The following MAP3K4 variants were observed in gnomAD, a reference collection of about 807,000 sequenced individuals.
The protein encoded by MAP3K4 is mitogen-activated protein kinase kinase kinase 4, also known as MAP three kinase 1.
In MAP3K4, 67 loss-of-function variants were observed where a neutral mutation model predicts 185.6. That is an observed-to-expected ratio of 0.36 (90% CI 0.30 to 0.44). MAP3K4 has a LOEUF of 0.44. MAP3K4 is among the 20% of genes least tolerant of loss of function. The pLI is 1.00. For missense variants in MAP3K4, 1,551 were observed against 1,995.1 expected (o/e 0.78, Z 4.24); for synonymous variants, 702 against 710.4 (o/e 0.99, Z 0.19).
chr6:161,079,216 G>GAAAAA (rs71004026), intron 5 of MAP3K4, among the ~76,000 whole-genome samples: 24 of 115,972 alleles, frequency 2.1e-4, no homozygotes, highest in Admixed American at 4.9e-4. Flanking sequence ...CCTGTCTCAA[G>GAAAAA]AAAAAAAAAA....
chr6:160,991,989 G>A lies in MAP3K4; in HGVS notation c.58G>A (p.Ala20Thr). The change falls in exon 1 of 27, where the codon GCC becomes ACC. Residue 20 changes from alanine (A) to threonine (T), a missense_variant. Ala to Thr is a moderately conservative substitution (Grantham distance 58, BLOSUM62 0). Coordinates refer to ENST00000392142, the MANE Select transcript of MAP3K4 (RefSeq NM_005922.4). This position sits in a 1 kb window ranked among gnomAD's most constrained non-coding sequence, Gnocchi z 5.7. ...TCCCGCCTTTGCCGTCACGCCTGCC[G>A]CCGCCATGGAGGAGCCGCCGCCACC... ...PPPAFAVTPA[A>T]AMEEPPPPPP... The A allele has an allele frequency of 6.5e-7, 1 of 1,543,262 alleles. No individual in the cohort carries two copies. Among genetic ancestry groups the A allele is most frequent in the South Asian group, 1.2e-5 (1 of 84,522 alleles).
intron 1 of MAP3K4, among the ~76,000 whole-genome samples, chr6:161,016,152 C>T (rs1782096506): frequency 6.6e-6 from 1 of 152,032 alleles, no homozygotes; most frequent in East Asian, 1.9e-4. Flanking sequence ...TTTTCAGGTG[C>T]TCATTGACCA....
chr6:161,049,209 G>C lies in MAP3K4; in HGVS notation c.937G>C (p.Asp313His). ...CTATGGGAGCTTCGCCTTTGTTAGA[G>C]ATAGAGCTGGTTTTAATGGTACTTC... Reference protein sequence around the residue: ...VDYGSFAFVRDRAGFNGTSVE... With the variant: ...VDYGSFAFVRHRAGFNGTSVE... Residue 313 changes from aspartate to histidine, a missense_variant, in exon 3 of 27, where the codon GAT (aspartate) becomes CAT (histidine). By Grantham distance (81) the Asp-to-His change is moderately conservative. Transcript: ENST00000392142. The surrounding 1 kb of genome is among the most constrained non-coding windows in gnomAD (Gnocchi z 8.4). 1 of 1,614,162 alleles carries C rather than the reference G, an allele frequency of 6.2e-7. No individual in the cohort carries two copies. The highest frequency in any genetic ancestry group is 8.5e-7 in the Non-Finnish European group (1 of 1,180,006).
Position 161,061,462 on chromosome 6 carries a change from T to C in MAP3K4, c.1708-9146T>C, listed in dbSNP as rs12665456. Among the ~76,000 whole-genome samples, 10,158 of 152,338 alleles carry C rather than the reference T, an allele frequency of 0.067. 468 individuals carry two copies. Among genetic ancestry groups the C allele is most frequent in the East Asian group, 0.25 (1,314 of 5,184 alleles). On this transcript the variant is annotated intron_variant, in intron 3 of 26. Transcript: ENST00000392142. The surrounding 1 kb of genome is among the most constrained non-coding windows in gnomAD (Gnocchi z 4.2). ...AAATAATAGCTTTATTGAGATATAA[T>C]TCACTTAGCATAAAATTCACCATTT...
chr6:161,034,479 A>G lies in MAP3K4; in HGVS notation c.343+30A>G, dbSNP rs750034296. The G allele has an allele frequency of 7.1e-6, 11 of 1,550,998 alleles. No homozygotes were observed. In the East Asian group the frequency reaches 9.0e-5, roughly 13 times the overall value. On this transcript the variant is annotated intron_variant, in intron 2 of 26. Coordinates refer to ENST00000392142, the MANE Select transcript of MAP3K4 (RefSeq NM_005922.4). This position sits in a 1 kb window ranked among gnomAD's most constrained non-coding sequence, Gnocchi z 4.4. ...GTCTTGTACTTGAAAAGAGGTGTAC[A>G]TGAGAGGGTATGGCACTTGATTGAT...
intron 1 of MAP3K4, among the ~76,000 whole-genome samples, chr6:161,030,201 C>T (rs2115151177): frequency 1.3e-5 from 2 of 152,212 alleles, no homozygotes; most frequent in East Asian, 3.9e-4. Flanking sequence ...TCACACAGGG[C>T]ACTGGTACCC....
chr6:160,998,585 G>A (rs1310420926), intron 1 of MAP3K4, among the ~76,000 whole-genome samples: 1 of 152,182 alleles, frequency 6.6e-6, no homozygotes, highest in African/African-American at 2.4e-5. Flanking sequence ...GCTGGCTGTA[G>A]CAAGCTGCTT....
At chr6:161,026,137 G>A (rs1331582857) in intron 1 of MAP3K4, among the ~76,000 whole-genome samples, 1 of 151,592 alleles carries the variant, frequency 6.6e-6, no homozygotes, top group African/African-American at 2.4e-5. Flanking sequence ...GGAAGGCTTT[G>A]CTTTTTTTTT....
rs1425688857 is a variant in MAP3K4, at chr6:161,109,824, C to G, written c.4306C>G (p.Gln1436Glu). The change falls in exon 23 of 27, where the codon CAG (glutamine) becomes GAG (glutamate). Residue 1436 changes from glutamine to glutamate, a missense_variant. Gln to Glu is a conservative substitution (Grantham distance 29, BLOSUM62 2). This residue lies in a region of MAP3K4 where 159 missense variants were observed against 300.5 expected (regional missense o/e 0.53). Transcript: ENST00000392142. The surrounding 1 kb of genome is among the most constrained non-coding windows in gnomAD (Gnocchi z 5.7). ...AGAAGAGGTGTCAAGGCTGGGACTT[C>G]AGGAACATGTGATTAGGCTGTATTC... The part of the protein sequence containing the change: ...TLEEVSRLGL[Q>E]EHVIRLYSKQ... The G allele has an allele frequency of 1.9e-6, 3 of 1,614,014 alleles. No homozygotes were observed. The highest frequency in any genetic ancestry group is 2.7e-5 in the African/African-American group (2 of 74,896).
rs1785112519 is a variant in MAP3K4, at chr6:161,075,138, GTATTTTGAAATAC to G, written c.2097+1530_2097+1542del. ...AAAGACCTGAGTGTGTAAAATGGCT[GTATTTTGAAATAC>G]TATGTATTTATTTTCTTTTTTGAGA... On this transcript the variant is annotated intron_variant, in intron 5 of 26. Transcript: ENST00000392142. This position sits in a 1 kb window ranked among gnomAD's most constrained non-coding sequence, Gnocchi z 4.3. Among the ~76,000 whole-genome samples, 2 of 152,200 alleles carry G rather than the reference GTATTTTGAAATAC, an allele frequency of 1.3e-5. No homozygotes were observed. The highest frequency in any genetic ancestry group is 2.9e-5 in the Non-Finnish European group (2 of 68,034).
chr6:161,115,293 G>A lies in MAP3K4; in HGVS notation c.4797G>A (p.Ser1599=), dbSNP rs371756591. The A allele has an allele frequency of 1.3e-5, 21 of 1,611,792 alleles. No individual in the cohort carries two copies. Among genetic ancestry groups the A allele is most frequent in the African/African-American group, 8.0e-5 (6 of 74,962 alleles). Residue 1599 remains serine, a synonymous_variant, in exon 26 of 27, where the codon TCG becomes TCA. Coordinates refer to ENST00000392142, the MANE Select transcript of MAP3K4 (RefSeq NM_005922.4). This position sits in a 1 kb window ranked among gnomAD's most constrained non-coding sequence, Gnocchi z 6.0. ...CCGCCAGCCAGCTCCTCGACCATTCGTTTGTCAAGGTTTGGCAGATTACTG... is the reference window on the plus strand; with the variant it reads ...CCGCCAGCCAGCTCCTCGACCATTCATTTGTCAAGGTTTGGCAGATTACTG... ...RWTASQLLDH[S]FVKVCTDEE
intron 3 of MAP3K4, among the ~76,000 whole-genome samples, chr6:161,060,376 A>G (rs1407420298): frequency 2.6e-5 from 4 of 152,160 alleles, no homozygotes; most frequent in African/African-American, 9.7e-5. Flanking sequence ...TATGATTTTG[A>G]ACTCATGAAT....
intron 1 of MAP3K4, among the ~76,000 whole-genome samples, chr6:161,004,357 C>A (rs1781475378): frequency 6.6e-6 from 1 of 152,176 alleles, no homozygotes; most frequent in Non-Finnish European, 1.5e-5. Context: ...CTGTTAACTT[C>A]TATAGCAAGC....
chr6:161,094,881 C>T (rs1041536625), intron 15 of MAP3K4, among the ~76,000 whole-genome samples: 2 of 152,162 alleles, frequency 1.3e-5, no homozygotes, highest in Non-Finnish European at 2.9e-5. Flanking sequence ...TCTCTAAGAA[C>T]ACATGATCGA....
intron 1 of MAP3K4, among the ~76,000 whole-genome samples, chr6:160,993,664 G>A (rs1484281901): frequency 6.6e-6 from 1 of 151,758 alleles, no homozygotes; most frequent in East Asian, 1.9e-4. Context: ...ATGGACATGA[G>A]CATTCTTAGG....
At chr6:161,027,275 G>A (rs937635500) in intron 1 of MAP3K4, among the ~76,000 whole-genome samples, 6 of 152,158 alleles carry the variant, frequency 3.9e-5, no homozygotes, top group African/African-American at 1.4e-4. Flanking sequence ...TTTCTGGTTT[G>A]TTCCTAAATC....
intron 15 of MAP3K4, among the ~76,000 whole-genome samples, chr6:161,095,032 C>T (rs1777507292): frequency 1.3e-5 from 2 of 152,032 alleles, no homozygotes; most frequent in Admixed American, 1.3e-4. Context: ...AAAAAGATTA[C>T]AAAAGACAAA....
Position 161,098,286 on chromosome 6 carries a change from G to T in MAP3K4, c.3533G>T (p.Ser1178Ile). The T allele has an allele frequency of 6.2e-7, 1 of 1,613,196 alleles. No individual in the cohort carries two copies. The highest frequency in any genetic ancestry group is 8.5e-7 in the Non-Finnish European group (1 of 1,179,800). The change falls in exon 17 of 27, where the codon AGC becomes ATC. Residue 1178 changes from serine (S) to isoleucine (I), a missense_variant. Physicochemically the swap from Ser to Ile is moderately radical, Grantham distance 142. Coordinates refer to ENST00000392142, the MANE Select transcript of MAP3K4 (RefSeq NM_005922.4). This position sits in a 1 kb window ranked among gnomAD's most constrained non-coding sequence, Gnocchi z 4.4. ...TTTTCTTCTTGTCTTAGCACTCGGA[G>T]CATGCCTTCCGACGCGCGGAGCCAT... is the stretch of plus-strand genomic sequence containing the variant. Reference protein sequence around the residue: ...IPTPEGFSTRSMPSDARSHGS... With the variant: ...IPTPEGFSTRIMPSDARSHGS...
At position 160,996,870 on chromosome 6, in the gene MAP3K4, T is replaced by G. The variant is rs760945175; in HGVS notation, c.152+4787T>G. Among the ~76,000 whole-genome samples, 4 of 152,102 alleles carry G rather than the reference T, an allele frequency of 2.6e-5. No individual in the cohort carries two copies. Among genetic ancestry groups the G allele is most frequent in the Non-Finnish European group, 4.4e-5 (3 of 68,010 alleles). ...GCATGATATTAGCAAGGGAAATGAGTTGAATGATCCCGGTGACTCATGTTA... is the reference window on the plus strand; with the variant it reads ...GCATGATATTAGCAAGGGAAATGAGGTGAATGATCCCGGTGACTCATGTTA... On this transcript the variant is annotated intron_variant, in intron 1 of 26. Coordinates refer to ENST00000392142, the MANE Select transcript of MAP3K4 (RefSeq NM_005922.4). This position sits in a 1 kb window ranked among gnomAD's most constrained non-coding sequence, Gnocchi z 4.5.
Sources: gnomAD v4.1 joint callset for allele counts (sites outside exome capture counted in the v4.1 genomes callset) on GRCh38, gnomAD v4.1.1 for gene constraint, gnomAD v4.1.1 regional missense constraint, Gnocchi (gnomAD v3.1) non-coding constraint, MANE v1.5 for transcripts, NCBI Gene and HGNC (gene_info 2026-07-23, HGNC 2026-07-21) for gene names.